Variants in CABLES1 observed in about 807,000 individuals in gnomAD.
The protein encoded by CABLES1 is Cdk5 and Abl enzyme substrate 1.
CABLES1 carries 36 observed loss-of-function variants against 57.8 expected under a neutral mutation model. That is an observed-to-expected ratio of 0.62 (90% CI 0.48 to 0.82). The LOEUF (loss-of-function observed/expected upper bound fraction) is 0.82, where lower values mean the gene tolerates loss of function less well. Among genes scored for constraint, CABLES1 ranks in the 40% least tolerant of loss-of-function variants. The pLI is 0.00. For missense variants in CABLES1, 767 were observed against 836.6 expected (o/e 0.92, Z 1.03); for synonymous variants, 374 against 363.0 (o/e 1.03, Z -0.35).
At chr18:23,141,383 T>G (rs1198033754) in intron 1 of CABLES1, among the ~76,000 whole-genome samples, 2 of 152,084 alleles carry the variant, frequency 1.3e-5, no homozygotes, top group African/African-American at 4.8e-5. Flanking sequence ...AGAATCAGGG[T>G]AAGAAAGGGG....
At chr18:23,212,776 AC>A (rs979859291) in intron 3 of CABLES1, among the ~76,000 whole-genome samples, 1 of 152,158 alleles carries the variant, frequency 6.6e-6, no homozygotes, top group African/African-American at 2.4e-5. Context: ...CAAAAAGGGA[AC>A]AAAAAACTCC....
chr18:23,208,945 AT>A (rs1483898450), intron 3 of CABLES1, among the ~76,000 whole-genome samples: 1 of 151,942 alleles, frequency 6.6e-6, no homozygotes, highest in Non-Finnish European at 1.5e-5. Flanking sequence ...GTATCTCCAA[AT>A]TTCTTGCCCC....
At chr18:23,237,545 G>A (rs950492074) in intron 7 of CABLES1, among the ~76,000 whole-genome samples, 7 of 152,200 alleles carry the variant, frequency 4.6e-5, no homozygotes, top group Non-Finnish European at 1.0e-4. Context: ...ACAAACCCCC[G>A]TGGAGAGGAC....
intron 1 of CABLES1, among the ~76,000 whole-genome samples, chr18:23,146,518 C>A (rs1420342977): frequency 1.3e-5 from 2 of 151,958 alleles, no homozygotes; most frequent in Admixed American, 1.3e-4. Flanking sequence ...AATGGTAGTT[C>A]TTGATGAATT....
chr18:23,202,265 G>C (rs1408073932), intron 3 of CABLES1, among the ~76,000 whole-genome samples: 1 of 152,170 alleles, frequency 6.6e-6, no homozygotes, highest in South Asian at 2.1e-4. Context: ...AAAATGAGAG[G>C]GTGGGTGGGT....
chr18:23,222,057 G>A (rs1157920010), intron 4 of CABLES1, among the ~76,000 whole-genome samples: 1 of 152,176 alleles, frequency 6.6e-6, no homozygotes, highest in Non-Finnish European at 1.5e-5. Context: ...AAGCCCAGGA[G>A]CTCTGGATTC....
intron 1 of CABLES1, among the ~76,000 whole-genome samples, chr18:23,183,802 A>T (rs148407215): frequency 7.9e-5 from 12 of 152,286 alleles, no homozygotes; most frequent in African/African-American, 2.9e-4. Flanking sequence ...GTCTATAATG[A>T]TAAGGAGTTT....
chr18:23,253,746 G>A lies in CABLES1; in HGVS notation c.1571G>A (p.Arg524Gln), dbSNP rs201279640. The A allele has an allele frequency of 2.2e-4, 348 of 1,614,096 alleles. No individual in the cohort carries two copies. The highest frequency in any genetic ancestry group is 5.8e-4 in the East Asian group (26 of 44,886). ...SKIRSLKREMRKLAQEDCGLE... is the reference protein window; with the variant it reads ...SKIRSLKREMQKLAQEDCGLE... ...TTCTCCAGTCTGAAACGAGAGATGC[G>A]GAAGCTTGCGCAGGAGGACTGTGGC... The change falls in exon 9 of 10, where the codon CGG becomes CAG. Residue 524 changes from arginine to glutamine, a missense_variant. By Grantham distance (43) the Arg-to-Gln change is conservative. This residue lies in a region of CABLES1 where 529 missense variants were observed against 622.8 expected (regional missense o/e 0.85). Coordinates refer to ENST00000256925, the MANE Select transcript of CABLES1 (RefSeq NM_001100619.3).
At chr18:23,212,401 G>A (rs566165616) in intron 3 of CABLES1, among the ~76,000 whole-genome samples, 2 of 152,170 alleles carry the variant, frequency 1.3e-5, no homozygotes, top group African/African-American at 2.4e-5. Context: ...TAAGCTGACC[G>A]AGGTCAAACA....
At chr18:23,253,101 T>C in intron 8 of CABLES1, 35 bp downstream of exon 8, 1 of 1,174,512 alleles carries the variant, frequency 8.5e-7, no homozygotes, top group East Asian at 2.3e-5. Context: ...GACCTTTCCC[T>C]GCAAACCCCT....
chr18:23,194,476 C>A lies in CABLES1; in HGVS notation c.946C>A (p.Pro316Thr). 6.2e-7 allele frequency: 1 copy of A among 1,613,160 alleles called. No homozygotes were observed. The highest frequency in any genetic ancestry group is 8.5e-7 in the Non-Finnish European group (1 of 1,179,126). Reference protein sequence around the residue: ...RCRTLSGSPRPKNFKKIHFIK... With the variant: ...RCRTLSGSPRTKNFKKIHFIK... Reference sequence around the variant, plus strand: ...TCGAACTCTCTCAGGTTCACCCAGACCAAAGAATTTTAAGAAGATTCATTT... The same window carrying A: ...TCGAACTCTCTCAGGTTCACCCAGAACAAAGAATTTTAAGAAGATTCATTT... Residue 316 changes from proline to threonine, a missense_variant, in exon 3 of 10, where the codon CCA becomes ACA. Pro to Thr is a conservative substitution (Grantham distance 38). Coordinates refer to ENST00000256925, the MANE Select transcript of CABLES1 (RefSeq NM_001100619.3).
At chr18:23,162,914 A>T (rs1432113823) in intron 1 of CABLES1, among the ~76,000 whole-genome samples, 2 of 152,222 alleles carry the variant, frequency 1.3e-5, no homozygotes, top group Admixed American at 6.5e-5. Flanking sequence ...CAATGAGAAG[A>T]TAGTGGGTTT....
intron 1 of CABLES1, among the ~76,000 whole-genome samples, chr18:23,161,598 T>C (rs1489504696): frequency 6.6e-6 from 1 of 150,440 alleles, no homozygotes; most frequent in East Asian, 1.9e-4. Flanking sequence ...TATCTGCATT[T>C]ATGTATACTT....
intron 1 of CABLES1, among the ~76,000 whole-genome samples, chr18:23,187,337 G>A (rs1267040343): frequency 6.6e-6 from 1 of 152,232 alleles, no homozygotes; most frequent in African/African-American, 2.4e-5. Flanking sequence ...GAGGAGCTGA[G>A]AGTGTTCTAT....
In CABLES1 at chr18:23,135,902, C is replaced by G; in HGVS notation, c.140C>G (p.Pro47Arg). ...PQPAAAAPAQPPPEPPRKPRM... is the reference protein window; with the variant it reads ...PQPAAAAPAQRPPEPPRKPRM... ...CCCGCGGCCGCCGCGCCGGCCCAGC[C>G]GCCGCCCGAACCCCCCCGGAAGCCG... The change falls in exon 1 of 10, where the codon CCG becomes CGG. Residue 47 changes from proline to arginine, a missense_variant. Pro to Arg is a moderately radical substitution (Grantham distance 103). Transcript: ENST00000256925. The G allele has an allele frequency of 9.3e-7, 1 of 1,074,600 alleles. No homozygotes were observed. Among genetic ancestry groups the G allele is most frequent in the Non-Finnish European group, 1.1e-6 (1 of 891,592 alleles). 66.6% of individuals were successfully genotyped at this position (1,074,600 alleles called of 1,614,324 possible). A position where few individuals can be genotyped will look rare whatever the true frequency, so the allele number is the denominator to read the frequency against.
At chr18:23,187,330 G>A (rs2047210050) in intron 1 of CABLES1, among the ~76,000 whole-genome samples, 1 of 152,224 alleles carries the variant, frequency 6.6e-6, no homozygotes, top group Non-Finnish European at 1.5e-5. Flanking sequence ...GATGAGTGAG[G>A]AGCTGAGAGT....
At chr18:23,164,208 G>A (rs2047024753) in intron 1 of CABLES1, among the ~76,000 whole-genome samples, 1 of 152,240 alleles carries the variant, frequency 6.6e-6, no homozygotes, top group South Asian at 2.1e-4. Flanking sequence ...AGCATCCAGA[G>A]ACAGCATCAG....
intron 4 of CABLES1, among the ~76,000 whole-genome samples, chr18:23,215,855 G>A (rs1042005466): frequency 1.9e-4 from 29 of 151,668 alleles, no homozygotes. Context: ...CCGGGTTCAC[G>A]CCATTCTCCT....
rs923952024 is a variant in CABLES1 at position 23,155,856 on chromosome 18, CAT to C, written c.845+19251_845+19252del. 1.9e-6 allele frequency: 3 copies of C among 1,612,914 alleles called. No individual in the cohort carries two copies. The African/African-American group carries it at 4.0e-5, about 22-fold the overall frequency. On this transcript the variant is annotated intron_variant, in intron 1 of 9. Coordinates refer to ENST00000256925, the MANE Select transcript of CABLES1 (RefSeq NM_001100619.3). ...TTTTCTTCCTGGTGTTTGAATGACT[CAT>C]AAAATGAGTTTGGAGTGGTCTGAAG...
Sources: gnomAD v4.1 joint callset for allele counts (sites outside exome capture counted in the v4.1 genomes callset) on GRCh38, gnomAD v4.1.1 for gene constraint, gnomAD v4.1.1 regional missense constraint, MANE v1.5 for transcripts, NCBI Gene and HGNC (gene_info 2026-07-23, HGNC 2026-07-21) for gene names.